Variants in HSF4 observed in about 807,000 individuals in gnomAD.
HSF4 encodes heat shock factor protein 4.
In HSF4, 41 loss-of-function variants were observed where a neutral mutation model predicts 52.0. The ratio of observed to expected loss-of-function variants is 0.79; its 90% CI spans 0.61 to 1.02. The LOEUF is 1.02. Among genes scored for constraint, HSF4 ranks in the 50% least tolerant of loss-of-function variants. The pLI is 0.00. For missense variants in HSF4, 610 were observed against 651.1 expected, an observed-to-expected ratio of 0.94 and a Z score of 0.69; for synonymous variants, 285 against 273.0, an observed-to-expected ratio of 1.04 and a Z score of -0.43.
chr16:67,165,694 C>G lies in HSF4; in HGVS notation c.233-25C>G. The stretch of plus-strand genomic sequence containing the variant: ...ACTCGGTGCCGGGGATGGGGCGACC[C>G]ACGCCCCCACGCCCCACTCCCCAGA... On this transcript the variant is annotated intron_variant, in intron 2 of 12. Coordinates refer to ENST00000521374, the MANE Select transcript of HSF4 (RefSeq NM_001374675.1). The surrounding 1 kb of genome is among the most constrained non-coding windows in gnomAD (Gnocchi z 6.9). The G allele has an allele frequency of 6.2e-7, 1 of 1,611,734 alleles. No individual in the cohort carries two copies. Among genetic ancestry groups the G allele is most frequent in the Non-Finnish European group, 8.5e-7 (1 of 1,179,680 alleles).
At position 67,166,058 on chromosome 16, in the gene HSF4, G is replaced by A; in HGVS notation, c.473G>A (p.Arg158Gln). 5.2e-6 allele frequency: 8 copies of A among 1,532,994 alleles called. No homozygotes were observed. Among genetic ancestry groups the A allele is most frequent in the Non-Finnish European group, 7.0e-6 (8 of 1,146,458 alleles). The allele number at this position is 1,532,994 out of a possible 1,614,324, so 95.0% of individuals were successfully genotyped here. A position where few individuals can be genotyped will look rare whatever the true frequency, so the allele number is the denominator to read the frequency against. The change falls in exon 4 of 13, where the codon CGG (arginine) becomes CAG (glutamine). Residue 158 changes from arginine (R) to glutamine (Q), a missense_variant. Physicochemically the swap from Arg to Gln is conservative, Grantham distance 43 (BLOSUM62 1). Transcript: ENST00000521374. ...GVQESTEARLRELRQQNEILW... is the reference protein window; with the variant it reads ...GVQESTEARLQELRQQNEILW... ...CAGGAGAGCACCGAGGCGCGGCTGC[G>A]GGAGCTCAGGCAGTGCGGGGGCGGG...
upstream of HSF4, chr16:67,164,208 G>C: frequency 2.1e-6 from 1 of 480,968 alleles, no homozygotes. Context: ...GGTCGGATCT[G>C]AAAGGGAAGG....
rs986441760 is a variant in HSF4 at position 67,165,112 on chromosome 16, A to C, written c.123+178A>C. On this transcript the variant is annotated intron_variant, in intron 1 of 12. Coordinates refer to ENST00000521374, the MANE Select transcript of HSF4 (RefSeq NM_001374675.1). This position sits in a 1 kb window ranked among gnomAD's most constrained non-coding sequence, Gnocchi z 6.9. Reference sequence around the variant, plus strand: ...GGGGGGTTTCCTCTGCGGCCGAAGAAGGGTTAGGAGCCTGCCTTCTGAAGA... The same window carrying C: ...GGGGGGTTTCCTCTGCGGCCGAAGACGGGTTAGGAGCCTGCCTTCTGAAGA... 1.4e-6 allele frequency: 1 copy of C among 696,420 alleles called. No homozygotes were observed. The highest frequency in any genetic ancestry group is 1.8e-5 in the African/African-American group (1 of 55,382). The allele number at this position is 696,420 out of a possible 1,614,324, so 43.1% of individuals were successfully genotyped here. A position where few individuals can be genotyped will look rare whatever the true frequency, so the allele number is the denominator to read the frequency against.
chr16:67,167,711 C>T lies in HSF4; in HGVS notation c.855-9C>T, dbSNP rs774871288. 5 of 1,611,054 alleles carry T rather than the reference C, an allele frequency of 3.1e-6. No individual in the cohort carries two copies. In the African/African-American group the frequency reaches 6.7e-5, roughly 22 times the overall value. On this transcript the variant is annotated splice_polypyrimidine_tract_variant and intron_variant, in intron 8 of 12. Transcript: ENST00000521374. Reference sequence around the variant, plus strand: ...GCCAGGGTCTGGTTGAAGCTTTTCTCTGGTGCAGGGAGAAGGGCCTGGCAC... The same window carrying T: ...GCCAGGGTCTGGTTGAAGCTTTTCTTTGGTGCAGGGAGAAGGGCCTGGCAC...
chr16:67,164,650 C>A, upstream of HSF4: 1 of 661,804 alleles, frequency 1.5e-6, no homozygotes, highest in Non-Finnish European at 2.3e-6. Context: ...GGTGCCTCGG[C>A]CGCTGTCCGA....
chr16:67,163,939 T>G (rs1450153693), upstream of HSF4: 35 of 1,439,536 alleles, frequency 2.4e-5, no homozygotes, highest in East Asian at 7.8e-4. Context: ...CCCCCGGGTC[T>G]TTACCGAGTT....
At chr16:67,164,728 C>T, upstream of HSF4, 1 of 1,454,294 alleles carries the variant, frequency 6.9e-7, no homozygotes, top group Non-Finnish European at 9.0e-7. Flanking sequence ...TAGGGCGGAG[C>T]GGGCGGCAAA....
chr16:67,168,742 T>C, intron 9 of HSF4, 89 bp from the exon 10 acceptor site: 2 of 950,168 alleles, frequency 2.1e-6, no homozygotes, highest in Non-Finnish European at 3.4e-6. Context: ...TTCTAAAGAT[T>C]GGGGGATTAA....
rs532120825 is a variant in HSF4, at chr16:67,165,352, T to C, written c.124-170T>C. On this transcript the variant is annotated intron_variant, in intron 1 of 12. Transcript: ENST00000521374. The surrounding 1 kb of genome is among the most constrained non-coding windows in gnomAD (Gnocchi z 6.9). ...CACTGTGGTCGCTCCAGGCTAGGCC[T>C]CGGAGCCCGTTCTGGCCTGGCCTCG... The C allele has an allele frequency of 1.5e-6, 1 of 664,562 alleles. No homozygotes were observed. The highest frequency in any genetic ancestry group is 1.8e-5 in the African/African-American group (1 of 55,164). 41.2% of individuals were successfully genotyped at this position (664,562 alleles called of 1,614,324 possible). A position where few individuals can be genotyped will look rare whatever the true frequency, so the allele number is the denominator to read the frequency against.
At chr16:67,164,106 A>AG (rs1463617583), upstream of HSF4, 3 of 675,092 alleles carry the variant, frequency 4.4e-6, no homozygotes, top group East Asian at 2.9e-5. Flanking sequence ...GCCCCGGCGC[A>AG]GGGAGAGGGA....
At chr16:67,164,184 C>G (rs1332732111), upstream of HSF4, 1 of 530,922 alleles carries the variant, frequency 1.9e-6, no homozygotes, top group Admixed American at 2.6e-5. Flanking sequence ...GTTTCTGCGT[C>G]CTATTAAAGG....
In HSF4 at chr16:67,165,766, C is replaced by G; in HGVS notation, c.280C>G (p.Pro94Ala). ...VSIEQGGLLR[P>A]ERDHVEFQHP... The stretch of plus-strand genomic sequence containing the variant: ...CATCGAGCAGGGCGGCCTGCTTAGG[C>G]CGGAGCGCGACCACGTCGAGTTCCA... Residue 94 changes from proline to alanine, a missense_variant, in exon 3 of 13, where the codon CCG becomes GCG. Coordinates refer to ENST00000521374, the MANE Select transcript of HSF4 (RefSeq NM_001374675.1). The surrounding 1 kb of genome is among the most constrained non-coding windows in gnomAD (Gnocchi z 6.9). 6.2e-7 allele frequency: 1 copy of G among 1,610,838 alleles called. No individual in the cohort carries two copies. The highest frequency in any genetic ancestry group is 8.5e-7 in the Non-Finnish European group (1 of 1,179,720).
chr16:67,166,687 G>C, intron 6 of HSF4, 65 bp downstream of exon 6: 1 of 1,444,614 alleles, frequency 6.9e-7, no homozygotes, highest in Non-Finnish European at 9.7e-7. Flanking sequence ...CCCTTGCAAG[G>C]ACCCCTTCTC....
At chr16:67,164,325 C>A (rs1323253436), upstream of HSF4, 2 of 397,198 alleles carry the variant, frequency 5.0e-6, no homozygotes, top group Non-Finnish European at 1.0e-5. Context: ...GGCACTCACA[C>A]CCTTGGAATG....
chr16:67,168,488 G>C (rs1035353532), intron 9 of HSF4, among the ~76,000 whole-genome samples: 1 of 149,794 alleles, frequency 6.7e-6, no homozygotes. Context: ...AGAAAAGAAA[G>C]AAAGAAGGAA....
chr16:67,164,065 T>A (rs928908906), upstream of HSF4: 3 of 703,354 alleles, frequency 4.3e-6, no homozygotes, highest in Non-Finnish European at 7.7e-6. Flanking sequence ...CTCTCTTGCC[T>A]CCACCCCTCT....
Position 67,169,009 on chromosome 16 carries a change from G to A in HSF4, c.1189-27G>A. Reference sequence around the variant, plus strand: ...TAGCTCTCTGTGGAGCCTGGGGAGGGCACCACTGACCCAGAGCTCTCCTCA... The same window carrying A: ...TAGCTCTCTGTGGAGCCTGGGGAGGACACCACTGACCCAGAGCTCTCCTCA... On this transcript the variant is annotated intron_variant, in intron 10 of 12. Transcript: ENST00000521374. The surrounding 1 kb of genome is among the most constrained non-coding windows in gnomAD (Gnocchi z 4.3). 4.3e-6 allele frequency: 7 copies of A among 1,613,836 alleles called. No individual in the cohort carries two copies. The highest frequency in any genetic ancestry group is 5.9e-6 in the Non-Finnish European group (7 of 1,179,854).
chr16:67,166,087 G>A lies in HSF4; in HGVS notation c.485+17G>A. On this transcript the variant is annotated intron_variant, in intron 4 of 12. Transcript: ENST00000521374. ...GCTCAGGCAGTGCGGGGGCGGGCGG[G>A]GAAAGAGGGGACAGGGGTGGGGGGT... 1 of 1,367,702 alleles carries A rather than the reference G, an allele frequency of 7.3e-7. No homozygotes were observed. The highest frequency in any genetic ancestry group is 1.2e-5 in the South Asian group (1 of 80,236). 84.7% of individuals were successfully genotyped at this position (1,367,702 alleles called of 1,614,324 possible). A position where few individuals can be genotyped will look rare whatever the true frequency, so the allele number is the denominator to read the frequency against.
chr16:67,165,567 G>T lies in HSF4; in HGVS notation c.169G>T (p.Glu57Ter), dbSNP rs977192108. The T allele has an allele frequency of 6.2e-7, 1 of 1,613,336 alleles. No homozygotes were observed. Among genetic ancestry groups the T allele is most frequent in the Non-Finnish European group, 8.5e-7 (1 of 1,179,930 alleles). ...LVSDQSRFAK[E>*]VLPQYFKHSN... is the part of the protein sequence containing the mutation. ...AAGCGACCAGAGCCGTTTCGCCAAG[G>T]AAGTGCTGCCCCAGTATTTCAAGCA... The change falls in exon 2 of 13, where the codon GAA (glutamate) becomes TAA (stop). Residue 57 changes from glutamate to a stop codon, truncating the protein, a stop_gained. Transcript: ENST00000521374. LOFTEE classifies it high-confidence loss of function. The surrounding 1 kb of genome is among the most constrained non-coding windows in gnomAD (Gnocchi z 6.9).
Sources: allele counts gnomAD v4.1 joint callset (sites outside exome capture counted in the v4.1 genomes callset), GRCh38; gene constraint gnomAD v4.1.1; non-coding constraint Gnocchi (gnomAD v3.1); transcripts MANE v1.5; gene names NCBI Gene and HGNC (gene_info 2026-07-23, HGNC 2026-07-21).